The following EPM2A variants were observed in gnomAD, a reference collection of about 807,000 sequenced individuals.
EPM2A encodes laforin.
A neutral mutation model predicts 26.5 loss-of-function variants in EPM2A; 21 were observed. The ratio of observed to expected loss-of-function variants is 0.79; its 90% CI spans 0.56 to 1.14. EPM2A has a LOEUF of 1.14. Ranked by LOEUF, EPM2A falls within the 50% of genes most tolerant of loss-of-function variation. The pLI is 0.00. For missense variants in EPM2A, 458 were observed against 440.8 expected (o/e 1.04, Z -0.35); for synonymous variants, 217 against 177.6 (o/e 1.22, Z -1.76).
At chr6:145,510,307 T>C (rs1359646744) in intron 2 of EPM2A, among the ~76,000 whole-genome samples, 1 of 152,152 alleles carries the variant, frequency 6.6e-6, no homozygotes, top group African/African-American at 2.4e-5. Flanking sequence ...CATCTGCATA[T>C]GGAACATACT....
At chr6:145,538,273 A>G (rs1281823266) in intron 2 of EPM2A, among the ~76,000 whole-genome samples, 3 of 151,454 alleles carry the variant, frequency 2.0e-5, no homozygotes, top group East Asian at 1.9e-4. Flanking sequence ...TTTTTTTTAC[A>G]TGCTTTGAGT....
chr6:145,683,274 T>C (rs1780672703), intron 2 of EPM2A, among the ~76,000 whole-genome samples: 1 of 146,106 alleles, frequency 6.8e-6, no homozygotes, highest in South Asian at 2.2e-4. Flanking sequence ...ATTTGGTGTG[T>C]GTGTGTGTGT....
chr6:145,618,335 G>T (rs1384900712), intron 2 of EPM2A, among the ~76,000 whole-genome samples: 1 of 152,196 alleles, frequency 6.6e-6, no homozygotes, highest in Non-Finnish European at 1.5e-5. Flanking sequence ...AAGCACTTTT[G>T]GGAGATGGTT....
intron 1 of EPM2A, among the ~76,000 whole-genome samples, chr6:145,698,700 G>A (rs1781753240): frequency 6.6e-6 from 1 of 151,912 alleles, no homozygotes. Flanking sequence ...GTTATGGACT[G>A]TATTGTGTCT....
intron 2 of EPM2A, among the ~76,000 whole-genome samples, chr6:145,551,148 GA>G (rs895720224): frequency 1.8e-4 from 28 of 152,134 alleles, no homozygotes; most frequent in African/African-American, 6.3e-4. Context: ...TCAATGATAT[GA>G]CAGGTTATAT....
intron 4 of EPM2A, among the ~76,000 whole-genome samples, chr6:145,492,385 G>T (rs1230548186): frequency 6.6e-6 from 1 of 152,028 alleles, no homozygotes; most frequent in East Asian, 1.9e-4. Flanking sequence ...CACCCCCAAG[G>T]CCCCTGAGGG....
In EPM2A at chr6:145,627,076, T is replaced by C. The variant is rs996772444; in HGVS notation, c.*340A>G. ...GAGTTTCAGTGCAACAGGAAAGTGC[T>C]GTCACGGATCCATCGTGCAACACAT... On this transcript the variant is annotated 3_prime_UTR_variant, in exon 4 of 4. Coordinates refer to ENST00000367519, the MANE Select transcript of EPM2A (RefSeq NM_005670.4). 2 of 1,204,926 alleles carry C rather than the reference T, an allele frequency of 1.7e-6. No individual in the cohort carries two copies. The highest frequency in any genetic ancestry group is 4.0e-5 in the Admixed American group (1 of 24,778). The allele number at this position is 1,204,926 out of a possible 1,614,324, so 74.6% of individuals were successfully genotyped here.
chr6:145,414,252 T>C (rs1453043485), intron 4 of EPM2A, among the ~76,000 whole-genome samples: 1 of 152,076 alleles, frequency 6.6e-6, no homozygotes, highest in African/African-American at 2.4e-5. Context: ...CCTTTTGGCT[T>C]TGTTAGTGTG....
At chr6:145,557,091 C>T (rs997574679) in intron 2 of EPM2A, among the ~76,000 whole-genome samples, 2 of 152,066 alleles carry the variant, frequency 1.3e-5, no homozygotes, top group Admixed American at 6.6e-5. Context: ...ACTATATACA[C>T]ACAAAAGATC....
intron 2 of EPM2A, among the ~76,000 whole-genome samples, chr6:145,662,722 G>C (rs980995040): frequency 6.6e-5 from 10 of 152,222 alleles, no homozygotes; most frequent in African/African-American, 2.2e-4. Context: ...CATGTCAGGG[G>C]GATCAGATAT....
At chr6:145,498,374 C>T (rs1332528291), downstream of EPM2A, among the ~76,000 whole-genome samples, 1 of 152,180 alleles carries the variant, frequency 6.6e-6, no homozygotes, top group East Asian at 1.9e-4. Flanking sequence ...GACCACCTGC[C>T]TTCCCTGAGT....
intron 2 of EPM2A, among the ~76,000 whole-genome samples, chr6:145,581,350 T>C (rs1218587622): frequency 6.6e-6 from 1 of 152,108 alleles, no homozygotes; most frequent in Non-Finnish European, 1.5e-5. Flanking sequence ...GGGGTTGTCT[T>C]TTGCTTATTA....
intron 4 of EPM2A, among the ~76,000 whole-genome samples, chr6:145,414,543 T>C (rs924240504): frequency 6.6e-6 from 1 of 152,136 alleles, no homozygotes; most frequent in Non-Finnish European, 1.5e-5. Flanking sequence ...TAATTTCTCA[T>C]AGAGGATCTA....
At chr6:145,520,901 C>T (rs1361021306) in intron 2 of EPM2A, among the ~76,000 whole-genome samples, 2 of 151,950 alleles carry the variant, frequency 1.3e-5, no homozygotes, top group African/African-American at 4.8e-5. Context: ...TTTAATAAGT[C>T]AATTAGAGGG....
At chr6:145,705,142 A>G (rs771516004) in intron 1 of EPM2A, among the ~76,000 whole-genome samples, 5 of 152,136 alleles carry the variant, frequency 3.3e-5, no homozygotes, top group African/African-American at 4.8e-5. Flanking sequence ...CCAAAGTATC[A>G]GTGGTATAAA....
rs1442575613 is a variant in EPM2A, at chr6:145,728,018, C to T, written c.301+7180G>A. On this transcript the variant is annotated intron_variant, in intron 1 of 3. Transcript: ENST00000367519. ...AAAGTGTGTAGCACTTCCCCCTTCTCTCTATTCCTCCTGCTCCAGCCATGT... is the reference window on the plus strand; with the variant it reads ...AAAGTGTGTAGCACTTCCCCCTTCTTTCTATTCCTCCTGCTCCAGCCATGT... Among the ~76,000 whole-genome samples the T allele has an allele frequency of 3.9e-5, 6 of 152,204 alleles. No homozygotes were observed. In the South Asian group the frequency reaches 1.2e-3, roughly 32 times the overall value.
intron 2 of EPM2A, among the ~76,000 whole-genome samples, chr6:145,581,650 C>G (rs567945222): frequency 1.3e-5 from 2 of 152,236 alleles, no homozygotes; most frequent in South Asian, 4.2e-4. Flanking sequence ...AATCTTTAAT[C>G]CATCTTGAGT....
At chr6:145,493,731 TATCTATTGAGATAATCAC>T (rs1269811798) in intron 4 of EPM2A, among the ~76,000 whole-genome samples, 1 of 152,232 alleles carries the variant, frequency 6.6e-6, no homozygotes, top group Non-Finnish European at 1.5e-5. Context: ...GCCATCTCTT[TATCTATTGAGATAATCAC>T]GTGCTTTTTG....
intron 2 of EPM2A, chr6:145,637,702 T>C (rs1776799721): frequency 6.6e-6 from 1 of 152,234 alleles, no homozygotes; most frequent in Non-Finnish European, 1.5e-5. Flanking sequence ...GAGAAAGACC[T>C]TGAGCAAGGA....
Sources: gnomAD v4.1 joint callset for allele counts (sites outside exome capture counted in the v4.1 genomes callset) on GRCh38, gnomAD v4.1.1 for gene constraint, MANE v1.5 for transcripts, NCBI Gene and HGNC (gene_info 2026-07-23, HGNC 2026-07-21) for gene names.